The following NEXN variants were observed in gnomAD, a reference collection of about 807,000 sequenced individuals.
NEXN encodes nexilin F-actin binding protein.
NEXN carries 65 observed loss-of-function variants against 92.6 expected under a neutral mutation model. That is an observed-to-expected ratio of 0.70 (90% CI 0.57 to 0.86). NEXN has a LOEUF of 0.86. Ranked by LOEUF, NEXN falls within the 40% of genes least tolerant of loss-of-function variation. The probability of loss-of-function intolerance (pLI) is 0.00; values close to 1 mark genes in which losing one functional copy is unlikely to be tolerated. For missense variants in NEXN, 778 were observed against 771.1 expected (o/e 1.01, Z -0.11); for synonymous variants, 254 against 242.5 (o/e 1.05, Z -0.44).
At chr1:77,894,639 C>T (rs1285030121) in intron 1 of NEXN, among the ~76,000 whole-genome samples, 4 of 151,862 alleles carry the variant, frequency 2.6e-5, no homozygotes, top group African/African-American at 9.7e-5. Context: ...TGGGGTTTTA[C>T]CATGTTGCCC....
At chr1:77,904,436 T>C (rs1459375697) in intron 1 of NEXN, among the ~76,000 whole-genome samples, 2 of 152,244 alleles carry the variant, frequency 1.3e-5, no homozygotes. Flanking sequence ...ACAGAAGACT[T>C]CTTTAAAATA....
At chr1:77,941,960 C>G (rs988856616) in intron 11 of NEXN, 63 bp from the exon 12 acceptor site, 6 of 1,495,392 alleles carry the variant, frequency 4.0e-6, no homozygotes, top group South Asian at 1.2e-5. Context: ...ACCTTTAGAA[C>G]TAGTAACGCT....
chr1:77,889,695 A>G (rs1018757126), intron 1 of NEXN, among the ~76,000 whole-genome samples: 6 of 152,354 alleles, frequency 3.9e-5, no homozygotes, highest in African/African-American at 1.4e-4. Context: ...TAAAAATAGC[A>G]TAAGGATATG....
chr1:77,905,333 C>T (rs572772400), intron 1 of NEXN, among the ~76,000 whole-genome samples: 1 of 152,158 alleles, frequency 6.6e-6, no homozygotes, highest in South Asian at 2.1e-4. Flanking sequence ...TAATGATAGT[C>T]ATGCCTTATA....
At chr1:77,910,238 CTG>C (rs141256522) in intron 1 of NEXN, among the ~76,000 whole-genome samples, 2,601 of 152,312 alleles carry the variant, frequency 0.017, 90 homozygotes, top group African/African-American at 0.06. Context: ...CAGTGAAAGA[CTG>C]GACATATTTC....
At chr1:77,934,713 C>T (rs184652777) in intron 10 of NEXN, among the ~76,000 whole-genome samples, 119 of 152,290 alleles carry the variant, frequency 7.8e-4, no homozygotes, top group African/African-American at 2.5e-3. Context: ...GGCGTGTATT[C>T]GCCATCAGCC....
chr1:77,921,829 G>A (rs1054301549), intron 5 of NEXN, among the ~76,000 whole-genome samples: 4 of 152,008 alleles, frequency 2.6e-5, no homozygotes, highest in East Asian at 1.9e-4. Context: ...GAGGATGATC[G>A]CCTCAGCTCA....
At chr1:77,892,655 A>G (rs552557591) in intron 1 of NEXN, among the ~76,000 whole-genome samples, 10 of 152,206 alleles carry the variant, frequency 6.6e-5, no homozygotes, top group Non-Finnish European at 1.2e-4. Context: ...CATTGTAGAT[A>G]TATTTTGGTT....
At chr1:77,931,694 A>T (rs1231997288) in intron 9 of NEXN, 3 of 152,224 alleles carry the variant, frequency 2.0e-5, no homozygotes, top group Non-Finnish European at 2.9e-5. Context: ...TTGTAATTTC[A>T]TACCATAGCT....
In NEXN at chr1:77,942,579, T is replaced by C. The variant is rs372924196; in HGVS notation, c.1778T>C (p.Val593Ala). 4 of 1,613,828 alleles carry C rather than the reference T, an allele frequency of 2.5e-6. No individual in the cohort carries two copies. Among genetic ancestry groups the C allele is most frequent in the South Asian group, 2.2e-5 (2 of 91,064 alleles). ...WFKKPLKNTS[V>A]VDSEPVRFTV... ...AAGAAGCCTCTTAAAAACACATCAGTTGTAGACAGTGAGCCAGTCAGATTT... is the reference window on the plus strand; with the variant it reads ...AAGAAGCCTCTTAAAAACACATCAGCTGTAGACAGTGAGCCAGTCAGATTT... The change falls in exon 13 of 13, where the codon GTT (valine) becomes GCT (alanine). Residue 593 changes from valine (V) to alanine (A), a missense_variant. This residue lies in a region of NEXN where 532 missense variants were observed against 476.7 expected (regional missense o/e 1.12). Transcript: ENST00000334785.
At chr1:77,891,520 C>T (rs1647104385) in intron 1 of NEXN, among the ~76,000 whole-genome samples, 1 of 151,688 alleles carries the variant, frequency 6.6e-6, no homozygotes, top group African/African-American at 2.4e-5. Context: ...ATTGGGGCTC[C>T]CTATATGAGG....
intron 5 of NEXN, among the ~76,000 whole-genome samples, chr1:77,919,367 C>T (rs908592014): frequency 3.3e-5 from 5 of 152,196 alleles, no homozygotes; most frequent in African/African-American, 1.2e-4. Flanking sequence ...AGTCTTTTTG[C>T]TATGCTGCCT....
chr1:77,941,557 AAT>A (rs1343065883), intron 11 of NEXN, among the ~76,000 whole-genome samples: 2 of 152,086 alleles, frequency 1.3e-5, no homozygotes, highest in African/African-American at 4.8e-5. Flanking sequence ...TTTCACCATC[AAT>A]ACATTATTTG....
rs113360299 is a variant in NEXN, at chr1:77,942,819, G to A, written c.2018G>A (p.Ser673Asn). The A allele has an allele frequency of 1.2e-6, 2 of 1,606,868 alleles. No homozygotes were observed. Among genetic ancestry groups the A allele is most frequent in the Admixed American group, 1.7e-5 (1 of 59,826 alleles). ...AASTCILTIESKN is the reference protein window; with the variant it reads ...AASTCILTIENKN ...AGTACCTGTATTCTTACCATTGAAA[G>A]TAAGAATTAATCACTCTTTTTATCT... is the stretch of plus-strand genomic sequence containing the variant. Residue 673 changes from serine (S) to asparagine (N), a missense_variant, in exon 13 of 13, where the codon AGT becomes AAT. Coordinates refer to ENST00000334785, the MANE Select transcript of NEXN (RefSeq NM_144573.4).
At chr1:77,920,866 G>T (rs1307741472) in intron 5 of NEXN, among the ~76,000 whole-genome samples, 1 of 152,020 alleles carries the variant, frequency 6.6e-6, no homozygotes, top group Non-Finnish European at 1.5e-5. Context: ...AGCAAAAGGA[G>T]TTTCATTTTT....
At chr1:77,942,248 T>A in intron 12 of NEXN, 40 bp downstream of exon 12, 2 of 1,587,732 alleles carry the variant, frequency 1.3e-6, no homozygotes, top group Non-Finnish European at 1.7e-6. Context: ...AAAGATGCCC[T>A]CTTAAAACCC....
Position 77,916,150 on chromosome 1 carries a change from A to C in NEXN, c.27+17A>C. On this transcript the variant is annotated intron_variant, in intron 2 of 12. Transcript: ENST00000334785. ...AAGGCTGAGGTAAGTCTCAAAAGTA[A>C]AAATAAAAATAAAAGAGGGAAATGT... 1 of 1,581,290 alleles carries C rather than the reference A, an allele frequency of 6.3e-7. No homozygotes were observed. Among genetic ancestry groups the C allele is most frequent in the Non-Finnish European group, 8.6e-7 (1 of 1,156,580 alleles).
At chr1:77,940,858 AT>A (rs1651242691) in intron 11 of NEXN, among the ~76,000 whole-genome samples, 1 of 152,236 alleles carries the variant, frequency 6.6e-6, no homozygotes, top group Non-Finnish European at 1.5e-5. Flanking sequence ...GTCAGGCATT[AT>A]ATTTATCAAC....
chr1:77,900,678 T>C (rs909397011), intron 1 of NEXN, among the ~76,000 whole-genome samples: 1 of 152,214 alleles, frequency 6.6e-6, no homozygotes, highest in Non-Finnish European at 1.5e-5. Context: ...ACATGAATGC[T>C]TAATGTGTTA....
Sources: allele counts gnomAD v4.1 joint callset (sites outside exome capture counted in the v4.1 genomes callset), GRCh38; gene constraint gnomAD v4.1.1; regional missense constraint gnomAD v4.1.1; transcripts MANE v1.5; gene names NCBI Gene and HGNC (gene_info 2026-07-23, HGNC 2026-07-21).